STATH: variants seen among roughly 807,000 people sequenced by gnomAD.
The protein encoded by STATH is statherin.
In STATH, 11 loss-of-function variants were observed where a neutral mutation model predicts 13.3. The ratio of observed to expected loss-of-function variants is 0.83; its 90% CI spans 0.52 to 1.37. The LOEUF is 1.37. Among genes scored for constraint, STATH ranks in the 40% most tolerant of loss-of-function variants. The pLI is 0.00. For synonymous variants in STATH, 25 were observed against 23.6 expected (o/e 1.06, Z -0.17); for missense variants, 78 against 73.3 (o/e 1.06, Z -0.24).
intron 1 of STATH, among the ~76,000 whole-genome samples, chr4:69,996,258 C>T (rs1290096411): frequency 6.6e-6 from 1 of 152,028 alleles, no homozygotes; most frequent in African/African-American, 2.4e-5. Flanking sequence ...AATATGGAGA[C>T]ATATTCCAAC....
intron 1 of STATH, among the ~76,000 whole-genome samples, chr4:69,996,833 C>T (rs1417984333): frequency 6.7e-6 from 1 of 149,806 alleles, no homozygotes; most frequent in Non-Finnish European, 1.5e-5. Flanking sequence ...CTTTTTGCAT[C>T]ATAAAATGAC....
chr4:69,999,833 T>C, intron 4 of STATH, 24 bp downstream of exon 4: 1 of 1,610,426 alleles, frequency 6.2e-7, no homozygotes, highest in East Asian at 2.2e-5. Flanking sequence ...GATAATGCTG[T>C]GTAGTCCAAA....
At chr4:69,999,943 T>C in intron 4 of STATH, 134 bp downstream of exon 4, 1 of 980,970 alleles carries the variant, frequency 1.0e-6, no homozygotes, top group Non-Finnish European at 1.5e-6. Flanking sequence ...TTCCTCTATT[T>C]ATGATACACA....
Position 69,999,209 on chromosome 4 carries a change from A to G in STATH, c.52-458A>G, listed in dbSNP as rs116775804. On this transcript the variant is annotated intron_variant, in intron 2 of 5. Transcript: ENST00000246895. Reference sequence around the variant, plus strand: ...ATATTTCAAAAACTAATTTGATTATAAAATCACAGTATACCACATTATTTG... The same window carrying G: ...ATATTTCAAAAACTAATTTGATTATGAAATCACAGTATACCACATTATTTG... 1,135 of 153,502 alleles carry G rather than the reference A, an allele frequency of 7.4e-3. 18 individuals are homozygous for G. Among genetic ancestry groups the G allele is most frequent in the African/African-American group, 0.025 (1,054 of 41,598 alleles). The allele number at this position is 153,502 out of a possible 1,614,324, so 9.5% of individuals were successfully genotyped here. A position where few individuals can be genotyped will look rare whatever the true frequency, so the allele number is the denominator to read the frequency against.
intron 1 of STATH, among the ~76,000 whole-genome samples, chr4:69,997,492 T>C (rs1189014173): frequency 6.6e-6 from 1 of 152,182 alleles, no homozygotes; most frequent in Non-Finnish European, 1.5e-5. Context: ...GGTAAAAATG[T>C]CATTTATTTG....
intron 1 of STATH, among the ~76,000 whole-genome samples, chr4:69,998,102 C>T (rs1020821666): frequency 2.0e-5 from 3 of 152,050 alleles, no homozygotes; most frequent in Non-Finnish European, 4.4e-5. Context: ...TGCAGTCACC[C>T]AACACCTCTT....
rs1352065226 is a variant in STATH at position 70,002,239 on chromosome 4, A to G, written c.*84A>G. The stretch of plus-strand genomic sequence containing the variant: ...CATCCATATTCTCATCTTTCATACC[A>G]TATCACACTACTACCACTTTTTGAA... On this transcript the variant is annotated 3_prime_UTR_variant, in exon 6 of 6. Coordinates refer to ENST00000246895, the MANE Select transcript of STATH (RefSeq NM_003154.3). 3.3e-5 allele frequency: 5 copies of G among 151,474 alleles called. No homozygotes were observed. Among genetic ancestry groups the G allele is most frequent in the Non-Finnish European group, 5.9e-5 (4 of 67,712 alleles). 9.4% of individuals were successfully genotyped at this position (151,474 alleles called of 1,614,324 possible).
chr4:69,999,995 T>C (rs563811308), intron 4 of STATH, 186 bp downstream of exon 4: 3 of 672,818 alleles, frequency 4.5e-6, no homozygotes, highest in Admixed American at 6.0e-5. Context: ...AACATTTAAG[T>C]TGAAACTCAT....
At chr4:70,002,133 T>C (rs1232534290) in intron 5 of STATH, 56 bp from the exon 6 acceptor site, 5 of 151,688 alleles carry the variant, frequency 3.3e-5, no homozygotes, top group Non-Finnish European at 7.4e-5. Flanking sequence ...AATATAAATG[T>C]GTTTACAGGG....
chr4:70,001,176 A>T lies in STATH; in HGVS notation c.*33+194A>T, dbSNP rs146770565. The stretch of plus-strand genomic sequence containing the variant: ...CTCTGTCCTGCTATGGTTAGAAGGC[A>T]GTGTTATAGAGTGGGGGACACCAGG... On this transcript the variant is annotated intron_variant, in intron 5 of 5. Transcript: ENST00000246895. Among the ~76,000 whole-genome samples, 329 of 151,892 alleles carry T rather than the reference A, an allele frequency of 2.2e-3. 3 individuals are homozygous for T. Among genetic ancestry groups the T allele is most frequent in the African/African-American group, 7.6e-3 (314 of 41,512 alleles).
chr4:69,999,649 A>T lies in STATH; in HGVS notation c.52-18A>T, dbSNP rs111880467. The stretch of plus-strand genomic sequence containing the variant: ...AACATTAAGATACTAACTATTGTCT[A>T]ATTTTCTGTTTTCTAAGGGAGCTGA... On this transcript the variant is annotated intron_variant, in intron 2 of 5. Transcript: ENST00000246895. 1.3e-5 allele frequency: 21 copies of T among 1,607,844 alleles called. No homozygotes were observed. The African/African-American group carries it at 1.5e-4, about 11-fold the overall frequency.
At chr4:70,001,210 G>C (rs1724658133) in intron 5 of STATH, among the ~76,000 whole-genome samples, 1 of 151,710 alleles carries the variant, frequency 6.6e-6, no homozygotes, top group East Asian at 1.9e-4. Flanking sequence ...GGGTTTGTAT[G>C]CTGGCCCTGA....
At chr4:69,996,628 A>G (rs975504424) in intron 1 of STATH, among the ~76,000 whole-genome samples, 3 of 151,906 alleles carry the variant, frequency 2.0e-5, no homozygotes, top group African/African-American at 7.2e-5. Flanking sequence ...AGATTTTACT[A>G]TTTCATATTT....
intron 1 of STATH, among the ~76,000 whole-genome samples, chr4:69,996,640 T>C (rs1407270131): frequency 6.6e-6 from 1 of 152,086 alleles, no homozygotes; most frequent in Non-Finnish European, 1.5e-5. Context: ...TTCATATTTT[T>C]ATTATTTTTC....
Position 70,000,924 on chromosome 4 carries a change from C to T in STATH, c.164C>T (p.Pro55Leu), listed in dbSNP as rs557328311. 6.2e-7 allele frequency: 1 copy of T among 1,612,056 alleles called. No individual in the cohort carries two copies. The highest frequency in any genetic ancestry group is 2.2e-5 in the East Asian group (1 of 44,818). The change falls in exon 5 of 6, where the codon CCA becomes CTA. Residue 55 changes from proline (P) to leucine (L), a missense_variant. Pro to Leu is a moderately conservative substitution (Grantham distance 98). Transcript: ENST00000246895. ...EQPLYPQPYQ[P>L]QYQQYTF is the part of the protein sequence containing the mutation. ...CCACTATACCCACAACCATACCAAC[C>T]ACAATACCAACAATATACCTTTTAA...
intron 4 of STATH, chr4:70,000,061 G>T (rs539175008): frequency 3.4e-5 from 16 of 469,982 alleles, no homozygotes; most frequent in Non-Finnish European, 6.1e-5. Flanking sequence ...CATCTCCTAA[G>T]TAATCACTTT....
chr4:69,999,646 T>C (rs1173476330), intron 2 of STATH, 21 bp from the exon 3 acceptor site: 13 of 1,607,068 alleles, frequency 8.1e-6, no homozygotes, highest in Non-Finnish European at 1.0e-5. Flanking sequence ...CTAACTATTG[T>C]CTAATTTTCT....
chr4:69,998,629 G>A lies in STATH; in HGVS notation c.51+141G>A, dbSNP rs1164932225. The A allele has an allele frequency of 3.2e-5, 18 of 566,368 alleles. 1 individual carries two copies. The East Asian group carries it at 5.0e-4, about 16-fold the overall frequency. 35.1% of individuals were successfully genotyped at this position (566,368 alleles called of 1,614,324 possible). On this transcript the variant is annotated intron_variant, in intron 2 of 5. Transcript: ENST00000246895. ...AATGTTTCCATATGAACTTTTTTTT[G>A]TACTAACCTACATAAGCTATATAAG...
At chr4:70,001,939 TAGA>T (rs1560415094) in intron 5 of STATH, among the ~76,000 whole-genome samples, 1 of 151,808 alleles carries the variant, frequency 6.6e-6, no homozygotes, top group Non-Finnish European at 1.5e-5. Flanking sequence ...TATATTTAAG[TAGA>T]AGAATAAAAT....
Sources: gnomAD v4.1 joint callset for allele counts (sites outside exome capture counted in the v4.1 genomes callset) on GRCh38, gnomAD v4.1.1 for gene constraint, MANE v1.5 for transcripts, NCBI Gene and HGNC (gene_info 2026-07-23, HGNC 2026-07-21) for gene names.